Variants in AUTS2 observed in about 807,000 individuals in gnomAD.
The protein encoded by AUTS2 is autism susceptibility gene 2 protein.
A neutral mutation model predicts 112.4 loss-of-function variants in AUTS2; 17 were observed. The observed-to-expected ratio is 0.15, with a 90% confidence interval of 0.10 to 0.23. The LOEUF (loss-of-function observed/expected upper bound fraction) is 0.23, where lower values mean the gene tolerates loss of function less well. Among genes scored for constraint, AUTS2 ranks in the 10% least tolerant of loss-of-function variants. The pLI is 1.00. For synonymous variants in AUTS2, 751 were observed against 702.7 expected (o/e 1.07, Z -1.09); for missense variants, 1,510 against 1,701.6 (o/e 0.89, Z 1.98).
intron 1 of AUTS2, among the ~76,000 whole-genome samples, chr7:69,662,985 T>C (rs1052449218): frequency 2.6e-5 from 4 of 152,238 alleles, no homozygotes; most frequent in Non-Finnish European, 4.4e-5. Context: ...AGTTGCTTTT[T>C]ACAAGTGGAT....
rs145344182 is a variant in AUTS2, at chr7:70,122,640, A to G, written c.624+4407A>G. 1.6e-3 allele frequency among the ~76,000 whole-genome samples: 251 copies of G among 152,292 alleles called. 7 individuals carry two copies. In the East Asian group the frequency reaches 0.046, roughly 28 times the overall value. On this transcript the variant is annotated intron_variant, in intron 3 of 18. Coordinates refer to ENST00000342771, the MANE Select transcript of AUTS2 (RefSeq NM_015570.4). ...TTGTTTATTATATTTTAAAATTATG[A>G]AAAAAATTTGTGGGCATATAGTAGG... is the stretch of plus-strand genomic sequence containing the variant.
At chr7:69,886,438 TACACAC>T (rs1422855678) in intron 1 of AUTS2, among the ~76,000 whole-genome samples, 1 of 152,188 alleles carries the variant, frequency 6.6e-6, no homozygotes, top group African/African-American at 2.4e-5. Context: ...CTCACATATA[TACACAC>T]ACTTCCTGAT....
intron 4 of AUTS2, among the ~76,000 whole-genome samples, chr7:70,206,744 C>T (rs961342040): frequency 2.6e-5 from 4 of 152,124 alleles, no homozygotes; most frequent in African/African-American, 9.7e-5. Flanking sequence ...TTTCATTAGC[C>T]AAGTGGTTAT....
intron 2 of AUTS2, among the ~76,000 whole-genome samples, chr7:69,993,535 AG>A (rs989639870): frequency 5.9e-5 from 9 of 152,286 alleles, no homozygotes; most frequent in African/African-American, 2.2e-4. Flanking sequence ...ACTTGAGCCC[AG>A]GACTTTGAGG....
At chr7:70,064,272 C>T (rs1230934975) in intron 2 of AUTS2, among the ~76,000 whole-genome samples, 1 of 152,156 alleles carries the variant, frequency 6.6e-6, no homozygotes, top group Non-Finnish European at 1.5e-5. Context: ...GAATCATTGT[C>T]TGTGTACTGT....
At chr7:70,529,397 T>C (rs1046692520) in intron 5 of AUTS2, among the ~76,000 whole-genome samples, 1 of 152,168 alleles carries the variant, frequency 6.6e-6, no homozygotes, top group Non-Finnish European at 1.5e-5. Context: ...ATGGAGAAAG[T>C]GAGGCTTGGA....
At chr7:70,337,588 G>A (rs1791053100) in intron 4 of AUTS2, among the ~76,000 whole-genome samples, 1 of 152,166 alleles carries the variant, frequency 6.6e-6, no homozygotes, top group South Asian at 2.1e-4. Flanking sequence ...GTGAATAAAT[G>A]CATTTTTTAA....
At chr7:69,672,719 G>T (rs1410482761) in intron 1 of AUTS2, among the ~76,000 whole-genome samples, 1 of 152,194 alleles carries the variant, frequency 6.6e-6, no homozygotes, top group Non-Finnish European at 1.5e-5. Flanking sequence ...GGCACAATTT[G>T]TTGGCCAGAA....
chr7:69,622,235 T>C (rs1793706295), intron 1 of AUTS2, among the ~76,000 whole-genome samples: 1 of 152,224 alleles, frequency 6.6e-6, no homozygotes, highest in Admixed American at 6.5e-5. Context: ...GATTGTGTTC[T>C]CAGATAAAAG....
chr7:70,558,937 G>C (rs1801363073), intron 5 of AUTS2, among the ~76,000 whole-genome samples: 1 of 152,208 alleles, frequency 6.6e-6, no homozygotes, highest in South Asian at 2.1e-4. Context: ...GATAGGCCAT[G>C]CCATCTGATA....
At chr7:70,140,281 T>C (rs1806792300) in intron 4 of AUTS2, among the ~76,000 whole-genome samples, 1 of 152,204 alleles carries the variant, frequency 6.6e-6, no homozygotes. Context: ...CAGCCATTGA[T>C]TAGACCCAGT....
At chr7:70,671,097 G>T (rs936326101) in intron 5 of AUTS2, among the ~76,000 whole-genome samples, 2 of 152,196 alleles carry the variant, frequency 1.3e-5, no homozygotes, top group African/African-American at 4.8e-5. Flanking sequence ...GCTTGAACCT[G>T]GTGGGGGGAT....
intron 5 of AUTS2, among the ~76,000 whole-genome samples, chr7:70,652,604 G>A (rs1423192451): frequency 6.6e-6 from 1 of 152,154 alleles, no homozygotes; most frequent in Non-Finnish European, 1.5e-5. Flanking sequence ...AATGGTTTTG[G>A]CCAGATGTGG....
At chr7:69,635,749 G>C (rs931517946) in intron 1 of AUTS2, among the ~76,000 whole-genome samples, 3 of 152,232 alleles carry the variant, frequency 2.0e-5, no homozygotes, top group Non-Finnish European at 2.9e-5. Flanking sequence ...AATCTGTCAT[G>C]AATCAGCAAT....
intron 9 of AUTS2, among the ~76,000 whole-genome samples, chr7:70,767,049 G>A (rs1196125554): frequency 6.6e-6 from 1 of 152,126 alleles, no homozygotes; most frequent in African/African-American, 2.4e-5. Context: ...AATTCATAGT[G>A]CCATATTAGA....
intron 2 of AUTS2, among the ~76,000 whole-genome samples, chr7:69,950,952 T>G (rs1167506160): frequency 1.3e-5 from 2 of 151,852 alleles, no homozygotes; most frequent in East Asian, 3.9e-4. Flanking sequence ...CAGGACAACA[T>G]AGCAAGACCT....
intron 12 of AUTS2, 33 bp from the exon 13 acceptor site, chr7:70,775,324 G>A (rs1034249332): frequency 6.3e-7 from 1 of 1,599,622 alleles, no homozygotes; most frequent in Non-Finnish European, 8.5e-7. Flanking sequence ...TGAGTGACAG[G>A]CATGTAACCA....
At chr7:70,321,229 C>T (rs1374048739) in intron 4 of AUTS2, among the ~76,000 whole-genome samples, 1 of 152,172 alleles carries the variant, frequency 6.6e-6, no homozygotes, top group African/African-American at 2.4e-5. Flanking sequence ...CATGTCCATG[C>T]TTGTTTGACT....
intron 5 of AUTS2, among the ~76,000 whole-genome samples, chr7:70,627,902 C>T (rs60458134): frequency 0.31 from 46,443 of 152,030 alleles, 7,944 homozygotes; most frequent in South Asian, 0.53. Context: ...AAACAGGCCC[C>T]TGTGTAGAGT....
Sources: gnomAD v4.1 joint callset for allele counts (sites outside exome capture counted in the v4.1 genomes callset) on GRCh38, gnomAD v4.1.1 for gene constraint, MANE v1.5 for transcripts, NCBI Gene and HGNC (gene_info 2026-07-23, HGNC 2026-07-21) for gene names.